Variants in MACROD2 observed in about 807,000 individuals in gnomAD.
The protein encoded by MACROD2 is mono-ADP ribosylhydrolase 2, also known as ADP-ribose glycohydrolase MACROD2.
A neutral mutation model predicts 70.4 loss-of-function variants in MACROD2; 36 were observed. That is an observed-to-expected ratio of 0.51 (90% CI 0.39 to 0.68). The LOEUF is 0.68. MACROD2 is among the 30% of genes least tolerant of loss of function. The pLI is 0.00. For missense variants in MACROD2, 496 were observed against 538.4 expected, an observed-to-expected ratio of 0.92 and a Z score of 0.78; for synonymous variants, 172 against 178.8, an observed-to-expected ratio of 0.96 and a Z score of 0.30.
At chr20:14,542,674 G>A (rs1438278820) in intron 4 of MACROD2, among the ~76,000 whole-genome samples, 1 of 152,022 alleles carries the variant, frequency 6.6e-6, no homozygotes, top group African/African-American at 2.4e-5. Flanking sequence ...AAAATCAGAT[G>A]GATTAAACAA....
At chr20:14,950,697 G>A (rs1382216527) in intron 5 of MACROD2, among the ~76,000 whole-genome samples, 1 of 152,062 alleles carries the variant, frequency 6.6e-6, no homozygotes, top group Non-Finnish European at 1.5e-5. Flanking sequence ...TGGACTTCAG[G>A]GTCTCCATTG....
intron 12 of MACROD2, among the ~76,000 whole-genome samples, chr20:15,950,490 C>T (rs1005650747): frequency 1.3e-5 from 2 of 152,046 alleles, no homozygotes; most frequent in African/African-American, 4.8e-5. Flanking sequence ...ATAAAGTGGA[C>T]CTGCTTCTTT....
At chr20:15,585,280 C>T (rs2048582908) in intron 8 of MACROD2, among the ~76,000 whole-genome samples, 1 of 151,812 alleles carries the variant, frequency 6.6e-6, no homozygotes, top group African/African-American at 2.4e-5. Flanking sequence ...TCACTGCAAC[C>T]TCCGCCTCCT....
chr20:14,608,098 C>CA lies in MACROD2; in HGVS notation c.302-76737dup, dbSNP rs199733037. Among the ~76,000 whole-genome samples, 1,308 of 151,564 alleles carry CA rather than the reference C, an allele frequency of 8.6e-3. 22 individuals carry two copies. The highest frequency in any genetic ancestry group is 0.03 in the African/African-American group (1,235 of 41,332). ...TGAAACCTCGTCTCTACTAAAAATACAAAAAAAATTAGCTGGGTATAGTGG... is the reference window on the plus strand; with the variant it reads ...TGAAACCTCGTCTCTACTAAAAATACAAAAAAAAATTAGCTGGGTATAGTGG... On this transcript the variant is annotated intron_variant, in intron 4 of 17. Coordinates refer to ENST00000684519, the MANE Select transcript of MACROD2 (RefSeq NM_001351661.2).
chr20:15,569,456 A>G (rs907538262), intron 8 of MACROD2, among the ~76,000 whole-genome samples: 2 of 152,148 alleles, frequency 1.3e-5, no homozygotes, highest in South Asian at 2.1e-4. Flanking sequence ...GTTATTAACT[A>G]TAGTCACCAT....
intron 3 of MACROD2, among the ~76,000 whole-genome samples, chr20:14,372,757 A>C (rs906949729): frequency 1.3e-5 from 2 of 151,974 alleles, no homozygotes; most frequent in African/African-American, 2.4e-5. Flanking sequence ...CCACATGGCT[A>C]TCTACTTAGG....
intron 6 of MACROD2, among the ~76,000 whole-genome samples, chr20:15,233,979 TTATTTATATATATATA>T (rs1324554944): frequency 2.0e-5 from 1 of 48,990 alleles, no homozygotes; most frequent in African/African-American, 9.0e-5. Flanking sequence ...TTATATATAT[TTATTTATATATATATA>T]TATATATATA....
chr20:15,135,502 C>CA (rs2076139886), intron 5 of MACROD2, among the ~76,000 whole-genome samples: 1 of 141,670 alleles, frequency 7.1e-6, no homozygotes, highest in African/African-American at 2.7e-5. Flanking sequence ...AGGCCTTTGA[C>CA]AAAATTCAAC....
At chr20:14,939,349 C>T (rs1210968071) in intron 5 of MACROD2, among the ~76,000 whole-genome samples, 2 of 151,860 alleles carry the variant, frequency 1.3e-5, no homozygotes, top group African/African-American at 4.8e-5. Flanking sequence ...TGAAGAGACT[C>T]CTTTCCTCAT....
chr20:14,482,861 G>A (rs1208832667), intron 3 of MACROD2, among the ~76,000 whole-genome samples: 1 of 152,146 alleles, frequency 6.6e-6, no homozygotes, highest in Non-Finnish European at 1.5e-5. Context: ...TCTTATGGGA[G>A]GTGCTTAAGA....
At chr20:14,386,203 T>A (rs1210346808) in intron 3 of MACROD2, among the ~76,000 whole-genome samples, 2 of 152,138 alleles carry the variant, frequency 1.3e-5, no homozygotes, top group African/African-American at 4.8e-5. Flanking sequence ...GAAGTGGTGG[T>A]TTAATGATGG....
At chr20:15,371,727 G>A (rs2045496950) in intron 6 of MACROD2, among the ~76,000 whole-genome samples, 1 of 151,832 alleles carries the variant, frequency 6.6e-6, no homozygotes, top group South Asian at 2.1e-4. Context: ...TTTTAGAAAT[G>A]GATAAATATT....
intron 5 of MACROD2, among the ~76,000 whole-genome samples, chr20:15,035,729 G>A (rs1012132417): frequency 7.2e-5 from 11 of 152,120 alleles, no homozygotes; most frequent in African/African-American, 2.7e-4. Flanking sequence ...TCATTCCAAC[G>A]GACAACAGGA....
intron 4 of MACROD2, among the ~76,000 whole-genome samples, chr20:14,644,188 C>T (rs1331262022): frequency 2.0e-5 from 3 of 152,056 alleles, no homozygotes; most frequent in Non-Finnish European, 4.4e-5. Flanking sequence ...ATATTCTTTG[C>T]GTCTAGAAAG....
chr20:15,317,033 C>A (rs1279641590), intron 6 of MACROD2, among the ~76,000 whole-genome samples: 2 of 151,990 alleles, frequency 1.3e-5, no homozygotes, highest in Non-Finnish European at 1.5e-5. Context: ...CACACATACA[C>A]AAACTTACAG....
At chr20:14,721,794 A>G (rs77461432) in intron 5 of MACROD2, among the ~76,000 whole-genome samples, 1,628 of 152,268 alleles carry the variant, frequency 0.011, 28 homozygotes, top group African/African-American at 0.037. Context: ...TCATTATGCT[A>G]CCTTAAGACA....
At chr20:15,054,845 A>G (rs905333040) in intron 5 of MACROD2, among the ~76,000 whole-genome samples, 2 of 151,700 alleles carry the variant, frequency 1.3e-5, no homozygotes, top group Non-Finnish European at 2.9e-5. Context: ...GTGCAATGGC[A>G]TGATCTCCGC....
rs1377258863 is a variant in MACROD2 at position 15,659,323 on chromosome 20, T to G, written c.645+159476T>G. On this transcript the variant is annotated intron_variant, in intron 8 of 17. Coordinates refer to ENST00000684519, the MANE Select transcript of MACROD2 (RefSeq NM_001351661.2). ...GCACAGCTTTTTTTTTTTTTTTTTT[T>G]TTTTTTTTTTGTCTCTTGATAGAAT... 7.7e-5 allele frequency among the ~76,000 whole-genome samples: 11 copies of G among 142,938 alleles called. No homozygotes were observed. In the East Asian group the frequency reaches 2.3e-3, roughly 29 times the overall value. 93.8% of individuals were successfully genotyped at this position (142,938 alleles called of 152,430 possible).
chr20:16,046,100 G>A (rs1379351907), intron 17 of MACROD2, among the ~76,000 whole-genome samples: 1 of 152,070 alleles, frequency 6.6e-6, no homozygotes, highest in African/African-American at 2.4e-5. Context: ...TGCACTCACT[G>A]CATGTTCTTG....
Sources: allele counts gnomAD v4.1 joint callset (sites outside exome capture counted in the v4.1 genomes callset), GRCh38; gene constraint gnomAD v4.1.1; transcripts MANE v1.5; gene names NCBI Gene and HGNC (gene_info 2026-07-23, HGNC 2026-07-21).